Variants in IMMP2L observed in about 807,000 individuals in gnomAD.
IMMP2L encodes the protein mitochondrial inner membrane protease subunit 2.
A neutral mutation model predicts 19.3 loss-of-function variants in IMMP2L; 18 were observed. That is an observed-to-expected ratio of 0.93 (90% CI 0.64 to 1.38). The LOEUF (loss-of-function observed/expected upper bound fraction) is 1.38, where lower values mean the gene tolerates loss of function less well. Among genes scored for constraint, IMMP2L ranks in the 40% most tolerant of loss-of-function variants. IMMP2L has a pLI of 0.00. For missense variants in IMMP2L, 233 were observed against 218.2 expected, an observed-to-expected ratio of 1.07 and a Z score of -0.43; for synonymous variants, 76 against 73.0, an observed-to-expected ratio of 1.04 and a Z score of -0.21.
chr7:111,038,247 A>G (rs1791541638), intron 3 of IMMP2L, among the ~76,000 whole-genome samples: 1 of 152,184 alleles, frequency 6.6e-6, no homozygotes, highest in South Asian at 2.1e-4. Flanking sequence ...TAAAATCTAA[A>G]TGCAATTATT....
intron 5 of IMMP2L, among the ~76,000 whole-genome samples, chr7:110,838,446 G>A (rs1004548210): frequency 6.6e-6 from 1 of 152,066 alleles, no homozygotes; most frequent in Non-Finnish European, 1.5e-5. Flanking sequence ...ACTTAATCCA[G>A]TATGGCAGTA....
At chr7:111,326,713 A>C (rs1158454816) in intron 3 of IMMP2L, among the ~76,000 whole-genome samples, 1 of 151,864 alleles carries the variant, frequency 6.6e-6, no homozygotes, top group Non-Finnish European at 1.5e-5. Context: ...TACAGGGAAC[A>C]CTGGAAAAAC....
chr7:111,556,014 G>GTGTATA, intron 1 of IMMP2L, among the ~76,000 whole-genome samples: 1 of 114,570 alleles, frequency 8.7e-6, no homozygotes, highest in South Asian at 3.1e-4. Context: ...TCTTCTGTGT[G>GTGTATA]CATGTATATA....
At chr7:111,047,632 T>A (rs1260535126) in intron 3 of IMMP2L, among the ~76,000 whole-genome samples, 1 of 152,188 alleles carries the variant, frequency 6.6e-6, no homozygotes, top group Non-Finnish European at 1.5e-5. Flanking sequence ...TTCACACTCA[T>A]CTAACTGTAT....
chr7:111,180,928 A>G (rs1239990549), intron 3 of IMMP2L, among the ~76,000 whole-genome samples: 1 of 152,024 alleles, frequency 6.6e-6, no homozygotes. Flanking sequence ...AAAATAACAT[A>G]CATTACAGTG....
intron 3 of IMMP2L, among the ~76,000 whole-genome samples, chr7:111,079,964 A>C (rs1795754379): frequency 6.6e-6 from 1 of 152,126 alleles, no homozygotes; most frequent in African/African-American, 2.4e-5. Flanking sequence ...TGATGTCATA[A>C]GGTCCTTATT....
intron 3 of IMMP2L, among the ~76,000 whole-genome samples, chr7:111,046,094 T>C (rs913237867): frequency 3.3e-5 from 5 of 151,904 alleles, no homozygotes; most frequent in Admixed American, 6.6e-5. Context: ...AGATGAAAGA[T>C]GACATGTCCA....
intron 3 of IMMP2L, among the ~76,000 whole-genome samples, chr7:111,272,589 G>T (rs920172492): frequency 2.0e-5 from 3 of 152,104 alleles, no homozygotes; most frequent in African/African-American, 7.2e-5. Flanking sequence ...TCCCAAACTA[G>T]GCACTGATTG....
intron 3 of IMMP2L, among the ~76,000 whole-genome samples, chr7:111,061,760 T>C (rs1315433928): frequency 6.6e-6 from 1 of 152,210 alleles, no homozygotes. Flanking sequence ...GCCAAAGTAA[T>C]ATTTAAAAGT....
chr7:110,667,641 A>G (rs4730445), intron 5 of IMMP2L, among the ~76,000 whole-genome samples: 151,134 of 152,280 alleles, frequency 0.99, 75,009 homozygotes, highest in Middle Eastern at 1. Context: ...GAATGCAGGC[A>G]GCCTCTCGAA....
chr7:111,035,190 T>A (rs1791214350), intron 3 of IMMP2L, among the ~76,000 whole-genome samples: 1 of 152,192 alleles, frequency 6.6e-6, no homozygotes, highest in Non-Finnish European at 1.5e-5. Context: ...CTATTACTAC[T>A]TCATTCTGCA....
intron 3 of IMMP2L, among the ~76,000 whole-genome samples, chr7:111,121,152 T>C (rs1289738959): frequency 6.6e-6 from 1 of 152,214 alleles, no homozygotes; most frequent in African/African-American, 2.4e-5. Context: ...GCCCAATGCC[T>C]AGGCCAAGAA....
chr7:111,197,925 C>T (rs1229204656), intron 3 of IMMP2L, among the ~76,000 whole-genome samples: 2 of 152,054 alleles, frequency 1.3e-5, no homozygotes, highest in Non-Finnish European at 2.9e-5. Flanking sequence ...AAAGATATAC[C>T]TTACAGTAAG....
intron 3 of IMMP2L, among the ~76,000 whole-genome samples, chr7:111,031,851 A>G (rs1790856684): frequency 6.6e-6 from 1 of 152,194 alleles, no homozygotes; most frequent in African/African-American, 2.4e-5. Flanking sequence ...TACCCTTGAT[A>G]CATAATGAAA....
At position 111,485,657 on chromosome 7, in the gene IMMP2L, T is replaced by C. The variant is rs566260705; in HGVS notation, c.239+1581A>G. On this transcript the variant is annotated intron_variant, in intron 3 of 5. Transcript: ENST00000405709. ...TCAACTGGAATAGCTATAATTTATA[T>C]ATCAATCCCAATTTGAATAGAATAT... 2.2e-3 allele frequency among the ~76,000 whole-genome samples: 324 copies of C among 146,832 alleles called. 2 individuals are homozygous for C. The highest frequency in any genetic ancestry group is 4.0e-3 in the Non-Finnish European group (269 of 66,610).
chr7:111,480,597 C>CAA (rs925037556), intron 3 of IMMP2L, among the ~76,000 whole-genome samples: 666 of 54,960 alleles, frequency 0.012, 9 homozygotes, highest in East Asian at 0.016. Context: ...ATTTTACTGT[C>CAA]AAAAAAAAAA....
At chr7:110,886,936 C>A (rs1205207293) in intron 4 of IMMP2L, among the ~76,000 whole-genome samples, 1 of 152,004 alleles carries the variant, frequency 6.6e-6, no homozygotes, top group African/African-American at 2.4e-5. Context: ...TGTATTGGCA[C>A]TAAATATAAT....
intron 4 of IMMP2L, among the ~76,000 whole-genome samples, chr7:110,896,866 G>T (rs970527441): frequency 2.6e-5 from 4 of 151,940 alleles, no homozygotes; most frequent in Admixed American, 1.3e-4. Flanking sequence ...GAGTGCAGTG[G>T]CATGACCATA....
chr7:111,038,784 A>G (rs73201050), intron 3 of IMMP2L, among the ~76,000 whole-genome samples: 3 of 152,348 alleles, frequency 2.0e-5, no homozygotes, highest in East Asian at 3.9e-4. Context: ...ATAGTTAAAA[A>G]TTAAAGGGGA....
Sources: gnomAD v4.1 joint callset for allele counts (sites outside exome capture counted in the v4.1 genomes callset) on GRCh38, gnomAD v4.1.1 for gene constraint, MANE v1.5 for transcripts, NCBI Gene and HGNC (gene_info 2026-07-23, HGNC 2026-07-21) for gene names.